The following ZFHX4 variants were observed in gnomAD, a reference collection of about 807,000 sequenced individuals.
The protein encoded by ZFHX4 is zinc finger homeobox 4.
Under a neutral mutation model 267.6 loss-of-function variants are expected in ZFHX4, and 56 were observed. The observed-to-expected ratio is 0.21, with a 90% CI of 0.17 to 0.26. The LOEUF (loss-of-function observed/expected upper bound fraction) is 0.26. ZFHX4 is among the 10% of genes least tolerant of loss of function. The pLI is 1.00. For synonymous variants in ZFHX4, 1,778 were observed against 1,665.6 expected (o/e 1.07, Z -1.64); for missense variants, 4,332 against 4,420.0 (o/e 0.98, Z 0.56).
intron 10 of ZFHX4, among the ~76,000 whole-genome samples, chr8:76,856,825 C>A (rs867825659): frequency 3.3e-5 from 5 of 152,068 alleles, no homozygotes; most frequent in Admixed American, 2.0e-4. Flanking sequence ...TGGTTCCTAG[C>A]AGATTAATAG....
intron 3 of ZFHX4, among the ~76,000 whole-genome samples, chr8:76,753,595 T>A (rs1368876903): frequency 6.6e-6 from 1 of 151,680 alleles, no homozygotes; most frequent in Admixed American, 6.6e-5. Context: ...TTTTCAATTG[T>A]TTGTCTGTCA....
In ZFHX4 at chr8:76,704,083, A is replaced by C; in HGVS notation, c.-6A>C. On this transcript the variant is annotated 5_prime_UTR_variant, in exon 2 of 11. Coordinates refer to ENST00000651372, the MANE Select transcript of ZFHX4 (RefSeq NM_024721.5). ...GATGAAATGAGATCCCCATGTAGCA[A>C]TTGCCATGGAAACCTGTGACTCCCC... is the stretch of plus-strand genomic sequence containing the variant. 1.9e-6 allele frequency: 3 copies of C among 1,598,068 alleles called. No homozygotes were observed. In the South Asian group the frequency reaches 3.4e-5, roughly 18 times the overall value.
intron 4 of ZFHX4, among the ~76,000 whole-genome samples, chr8:76,785,323 A>C (rs1810657614): frequency 6.6e-6 from 1 of 152,078 alleles, no homozygotes; most frequent in Non-Finnish European, 1.5e-5. Context: ...AAAGATATTT[A>C]TTCTTTAAAT....
chr8:76,771,387 G>T (rs770097767), intron 3 of ZFHX4, among the ~76,000 whole-genome samples: 3 of 152,072 alleles, frequency 2.0e-5, no homozygotes, highest in Non-Finnish European at 4.4e-5. Context: ...TCTCTGAATT[G>T]TTAAATTCAT....
chr8:76,854,741 G>C lies in ZFHX4; in HGVS notation c.7820G>C (p.Arg2607Pro). ...GGTGAAGACCAACACCGAGATAAAC[G>C]CTTGAGAACCACGATCACCCCGGAA... ...NSGEDQHRDK[R>P]LRTTITPEQL... is the part of the protein sequence containing the mutation. The change falls in exon 10 of 11, where the codon CGC (arginine) becomes CCC (proline). Residue 2607 changes from arginine (R) to proline (P), a missense_variant. Around this residue, in one of 7 missense-constraint regions of ZFHX4, gnomAD observed 1,648 missense variants for 1,625.0 expected, o/e 1.01. Coordinates refer to ENST00000651372, the MANE Select transcript of ZFHX4 (RefSeq NM_024721.5). The C allele has an allele frequency of 6.2e-7, 1 of 1,612,304 alleles. No individual in the cohort carries two copies. The highest frequency in any genetic ancestry group is 8.5e-7 in the Non-Finnish European group (1 of 1,179,196).
chr8:76,774,001 T>C (rs1810338421), intron 3 of ZFHX4, among the ~76,000 whole-genome samples: 1 of 152,132 alleles, frequency 6.6e-6, no homozygotes, highest in South Asian at 2.1e-4. Flanking sequence ...TGGCCCACTT[T>C]TGGACCAGAC....
At chr8:76,748,308 C>A (rs1809516702) in intron 3 of ZFHX4, among the ~76,000 whole-genome samples, 2 of 152,218 alleles carry the variant, frequency 1.3e-5, no homozygotes, top group African/African-American at 4.8e-5. Context: ...AACATCTTCT[C>A]TCCGATTTGC....
intron 4 of ZFHX4, among the ~76,000 whole-genome samples, chr8:76,815,438 C>T (rs1434617342): frequency 2.0e-5 from 3 of 152,096 alleles, no homozygotes; most frequent in East Asian, 1.9e-4. Context: ...ATAAATGGTA[C>T]CTTATTGCAG....
intron 3 of ZFHX4, among the ~76,000 whole-genome samples, chr8:76,744,904 C>T (rs1585902997): frequency 6.6e-6 from 1 of 152,200 alleles, no homozygotes; most frequent in South Asian, 2.1e-4. Context: ...GTTCAGGCTC[C>T]AATCTGGGAG....
At chr8:76,768,326 G>A (rs1810143055) in intron 3 of ZFHX4, among the ~76,000 whole-genome samples, 1 of 152,148 alleles carries the variant, frequency 6.6e-6, no homozygotes, top group Non-Finnish European at 1.5e-5. Context: ...AATTGCAGGA[G>A]TGGCATAATA....
intron 3 of ZFHX4, among the ~76,000 whole-genome samples, chr8:76,725,813 A>T (rs1361892610): frequency 1.3e-5 from 2 of 152,164 alleles, no homozygotes; most frequent in African/African-American, 4.8e-5. Flanking sequence ...CAAATATATC[A>T]TCCTCCTGTG....
intron 5 of ZFHX4, 134 bp downstream of exon 5, chr8:76,833,540 G>A: frequency 1.6e-6 from 1 of 625,570 alleles, no homozygotes; most frequent in Non-Finnish European, 2.7e-6. Flanking sequence ...ATTCAAATAA[G>A]TAAAAAGCAA....
chr8:76,851,621 A>G lies in ZFHX4; in HGVS notation c.4700A>G (p.His1567Arg), dbSNP rs137874063. Reference protein sequence around the residue: ...LVHYNSVSHLHKLKKVLQEAS... With the variant: ...LVHYNSVSHLRKLKKVLQEAS... ...CACTATAATTCAGTTTCTCACTTGC[A>G]TAAGCTGAAAAAAGTTTTGCAGGAA... The change falls in exon 10 of 11, where the codon CAT (histidine) becomes CGT (arginine). Residue 1567 changes from histidine to arginine, a missense_variant. Around this residue, in one of 7 missense-constraint regions of ZFHX4, gnomAD observed 1,371 missense variants for 1,423.1 expected, o/e 0.96. Coordinates refer to ENST00000651372, the MANE Select transcript of ZFHX4 (RefSeq NM_024721.5). The G allele has an allele frequency of 1.2e-3, 1,968 of 1,613,836 alleles. 4 individuals are homozygous for G. The highest frequency in any genetic ancestry group is 1.1e-3 in the Non-Finnish European group (1,282 of 1,179,834).
Position 76,852,084 on chromosome 8 carries a change from T to C in ZFHX4, c.5163T>C (p.His1721=), listed in dbSNP as rs1337211750. 6.2e-7 allele frequency: 1 copy of C among 1,613,972 alleles called. No individual in the cohort carries two copies. Among genetic ancestry groups the C allele is most frequent in the Non-Finnish European group, 8.5e-7 (1 of 1,179,876 alleles). Reference sequence around the variant, plus strand: ...TTCTAAACCCAGCCTTTTTGCCTCATTTTCCTATGACCCCAGAAGCACTGC... The same window carrying C: ...TTCTAAACCCAGCCTTTTTGCCTCACTTTCCTATGACCCCAGAAGCACTGC... The part of the protein sequence containing the change: ...PQFLNPAFLP[H]FPMTPEALLQ... Residue 1721 remains histidine (H), a synonymous_variant, in exon 10 of 11, where the codon CAT becomes CAC. Transcript: ENST00000651372.
intron 6 of ZFHX4, 54 bp from the exon 7 acceptor site, chr8:76,848,941 T>C: frequency 2.1e-6 from 3 of 1,428,474 alleles, no homozygotes; most frequent in Non-Finnish European, 2.8e-6. Flanking sequence ...ATAATTTTTC[T>C]CATTTCGGAA....
At chr8:76,718,910 A>G (rs570661876) in intron 3 of ZFHX4, among the ~76,000 whole-genome samples, 11 of 150,260 alleles carry the variant, frequency 7.3e-5, no homozygotes, top group African/African-American at 2.7e-4. Context: ...AATCATTGAT[A>G]AAGAAGAAAG....
At chr8:76,810,938 C>T (rs1393090918) in intron 4 of ZFHX4, among the ~76,000 whole-genome samples, 1 of 152,120 alleles carries the variant, frequency 6.6e-6, no homozygotes, top group Non-Finnish European at 1.5e-5. Context: ...AATAATTGCT[C>T]ATGGCTGCTT....
chr8:76,738,208 A>G (rs780021442), intron 3 of ZFHX4, among the ~76,000 whole-genome samples: 5 of 152,152 alleles, frequency 3.3e-5, no homozygotes, highest in Non-Finnish European at 5.9e-5. Flanking sequence ...CAGGACACCC[A>G]GCCTTGCCCC....
chr8:76,707,406 T>C, intron 2 of ZFHX4, 140 bp from the exon 3 acceptor site: 2 of 745,064 alleles, frequency 2.7e-6, no homozygotes, highest in Non-Finnish European at 4.1e-6. Flanking sequence ...TAATTGATCC[T>C]GATTGAATCC....
Sources: gnomAD v4.1 joint callset for allele counts (sites outside exome capture counted in the v4.1 genomes callset) on GRCh38, gnomAD v4.1.1 for gene constraint, gnomAD v4.1.1 regional missense constraint, MANE v1.5 for transcripts, NCBI Gene and HGNC (gene_info 2026-07-23, HGNC 2026-07-21) for gene names.